The following PLXNA4 variants were observed in gnomAD, a reference collection of about 807,000 sequenced individuals.
The protein encoded by PLXNA4 is plexin-A4.
Under a neutral mutation model 191.8 loss-of-function variants are expected in PLXNA4, and 44 were observed. The observed-to-expected ratio is 0.23, with a 90% CI of 0.18 to 0.29. The LOEUF is 0.29. PLXNA4 is among the 10% of genes least tolerant of loss of function. The pLI is 1.00. For missense variants in PLXNA4, 1,800 were observed against 2,488.8 expected (o/e 0.72, Z 5.89); for synonymous variants, 1,082 against 1,009.5 (o/e 1.07, Z -1.36).
In PLXNA4 at chr7:132,127,987, T is replaced by C. The variant is rs1794821614; in HGVS notation, c.*2492A>G. 1.4e-5 allele frequency: 1 copy of C among 70,140 alleles called. No individual in the cohort carries two copies. The highest frequency in any genetic ancestry group is 2.7e-5 in the Non-Finnish European group (1 of 37,180). The allele number at this position is 70,140 out of a possible 1,614,324, so 4.3% of individuals were successfully genotyped here. ...TGCTTGTTTGATTTTTTCTCTTAAC[T>C]GTGCAAAAAAAAAAAAAAAAAATCA... On this transcript the variant is annotated 3_prime_UTR_variant, in exon 32 of 32. Coordinates refer to ENST00000321063, the MANE Select transcript of PLXNA4 (RefSeq NM_020911.2).
At chr7:132,343,557 G>A (rs1253181494) in intron 3 of PLXNA4, among the ~76,000 whole-genome samples, 2 of 152,198 alleles carry the variant, frequency 1.3e-5, no homozygotes, top group Admixed American at 6.5e-5. Flanking sequence ...TCCTTCCAGA[G>A]CCCCCTGGCT....
chr7:132,174,573 C>T (rs1796393814), intron 21 of PLXNA4, among the ~76,000 whole-genome samples: 1 of 152,184 alleles, frequency 6.6e-6, no homozygotes, highest in Non-Finnish European at 1.5e-5. Flanking sequence ...GACCTGAAGC[C>T]CTACTCACAT....
intron 4 of PLXNA4, among the ~76,000 whole-genome samples, chr7:132,267,181 C>T (rs1477077125): frequency 2.6e-5 from 4 of 152,156 alleles, no homozygotes; most frequent in Non-Finnish European, 5.9e-5. Context: ...AACTAGGAAA[C>T]CCTGAGGAAA....
intron 2 of PLXNA4, among the ~76,000 whole-genome samples, chr7:132,636,682 G>A (rs1803615601): frequency 6.6e-6 from 1 of 152,154 alleles, no homozygotes; most frequent in Non-Finnish European, 1.5e-5. Flanking sequence ...GATTTCATAT[G>A]ATGCCACCCC....
rs1584737042 is a variant in PLXNA4 at position 132,125,759 on chromosome 7, C to G, written c.*4720G>C. The stretch of plus-strand genomic sequence containing the variant: ...GGGGGATTTGGGGCATGGGGAGAAG[C>G]CAGGGCACGGAGCTGCCTGGGGTAG... On this transcript the variant is annotated 3_prime_UTR_variant, in exon 32 of 32. Transcript: ENST00000321063. 1 of 152,016 alleles carries G rather than the reference C, an allele frequency of 6.6e-6. No individual in the cohort carries two copies. Among genetic ancestry groups the G allele is most frequent in the African/African-American group, 2.4e-5 (1 of 41,336 alleles). 9.4% of individuals were successfully genotyped at this position (152,016 alleles called of 1,614,324 possible).
At chr7:132,190,083 T>A (rs1189686111) in intron 14 of PLXNA4, among the ~76,000 whole-genome samples, 1 of 152,266 alleles carries the variant, frequency 6.6e-6, no homozygotes, top group East Asian at 1.9e-4. Flanking sequence ...CTTCAGTCTC[T>A]CCTGCTCACC....
rs1584899803 is a variant in PLXNA4, at chr7:132,250,426, C to T, written c.1504-9260G>A. 3.3e-5 allele frequency among the ~76,000 whole-genome samples: 5 copies of T among 152,320 alleles called. 1 individual carries two copies. The South Asian group carries it at 1.0e-3, about 32-fold the overall frequency. ...CACTTGTACGTGTTCCAAGAATCCC[C>T]TGGAGATCATTTATTTGGCAACCTT... On this transcript the variant is annotated intron_variant, in intron 4 of 31. Coordinates refer to ENST00000321063, the MANE Select transcript of PLXNA4 (RefSeq NM_020911.2).
At chr7:132,354,577 T>C (rs966404085) in intron 3 of PLXNA4, among the ~76,000 whole-genome samples, 1 of 152,206 alleles carries the variant, frequency 6.6e-6, no homozygotes, top group African/African-American at 2.4e-5. Context: ...GCAGGCTTCT[T>C]GGTGAATGGC....
chr7:132,630,255 T>G (rs960163390), intron 2 of PLXNA4, among the ~76,000 whole-genome samples: 2 of 152,202 alleles, frequency 1.3e-5, no homozygotes, highest in African/African-American at 4.8e-5. Flanking sequence ...ACAAATACAG[T>G]CACACTGGGT....
At chr7:132,643,488 G>A (rs1803794176) in intron 2 of PLXNA4, among the ~76,000 whole-genome samples, 1 of 151,926 alleles carries the variant, frequency 6.6e-6, no homozygotes, top group South Asian at 2.1e-4. Flanking sequence ...CAAGCTGGAG[G>A]AATTCCCTCC....
intron 1 of PLXNA4, among the ~76,000 whole-genome samples, chr7:132,567,016 T>C (rs1485101239): frequency 6.6e-6 from 1 of 152,196 alleles, no homozygotes; most frequent in African/African-American, 2.4e-5. Context: ...TCTCCCAAAA[T>C]GCCTTTCTAT....
At chr7:132,159,655 A>G (rs913592704) in intron 24 of PLXNA4, 23 bp from the exon 25 acceptor site, 1 of 1,612,750 alleles carries the variant, frequency 6.2e-7, no homozygotes, top group Admixed American at 1.7e-5. Flanking sequence ...TGGGGAGAGG[A>G]AGCATATGAA....
rs900813265 is a variant in PLXNA4, at chr7:132,313,734, T to A, written c.1372-15512A>T. 2.0e-5 allele frequency among the ~76,000 whole-genome samples: 3 copies of A among 152,070 alleles called. No homozygotes were observed. In the East Asian group the frequency reaches 5.8e-4, roughly 29 times the overall value. ...ACTTTCTGCTTAGGCAGAAAGTCAT[T>A]GCTTAGGACAATTGAGTCACTGTCA... On this transcript the variant is annotated intron_variant, in intron 3 of 31. Coordinates refer to ENST00000321063, the MANE Select transcript of PLXNA4 (RefSeq NM_020911.2).
upstream of PLXNA4, among the ~76,000 whole-genome samples, chr7:132,578,577 C>G (rs935899722): frequency 2.0e-5 from 3 of 152,150 alleles, no homozygotes; most frequent in Admixed American, 6.5e-5. Flanking sequence ...TTGAAAGGAG[C>G]TGTGAGATGA....
At chr7:132,387,446 T>G (rs1805199270) in intron 3 of PLXNA4, among the ~76,000 whole-genome samples, 1 of 152,168 alleles carries the variant, frequency 6.6e-6, no homozygotes, top group African/African-American at 2.4e-5. Flanking sequence ...CAGAGGGGGA[T>G]GTAAAAATTG....
chr7:132,395,813 A>G lies in PLXNA4; in HGVS notation c.1371+93479T>C, dbSNP rs1275228307. Among the ~76,000 whole-genome samples, 3 of 152,256 alleles carry G rather than the reference A, an allele frequency of 2.0e-5. No homozygotes were observed. In the East Asian group the frequency reaches 5.8e-4, roughly 29 times the overall value. On this transcript the variant is annotated intron_variant, in intron 3 of 31. Coordinates refer to ENST00000321063, the MANE Select transcript of PLXNA4 (RefSeq NM_020911.2). ...TGACCAGGATCCCCATGGCCGGGAA[A>G]CAAATGATGAAGCCAGTTAGCAGCC... is the stretch of plus-strand genomic sequence containing the variant.
chr7:132,563,847 G>T (rs920719523), intron 1 of PLXNA4, among the ~76,000 whole-genome samples: 99 of 20,470 alleles, frequency 4.8e-3, no homozygotes, highest in East Asian at 9.3e-3. Flanking sequence ...TCCTCCTTCT[G>T]CTGCTCCTCC....
rs1026744471 is a variant in PLXNA4, at chr7:132,125,249, CTT to C, written c.*5228_*5229del. On this transcript the variant is annotated 3_prime_UTR_variant, in exon 32 of 32. Coordinates refer to ENST00000321063, the MANE Select transcript of PLXNA4 (RefSeq NM_020911.2). ...GCTCCCCACTCTATAAAATAAGGCTCTTGTTTCCTACATAGAGAATGCCTGTA... is the reference window on the plus strand; with the variant it reads ...GCTCCCCACTCTATAAAATAAGGCTCGTTTCCTACATAGAGAATGCCTGTA... 2.0e-5 allele frequency: 3 copies of C among 152,166 alleles called. No individual in the cohort carries two copies. Among genetic ancestry groups the C allele is most frequent in the African/African-American group, 4.8e-5 (2 of 41,434 alleles). 9.4% of individuals were successfully genotyped at this position (152,166 alleles called of 1,614,324 possible). A position where few individuals can be genotyped will look rare whatever the true frequency, so the allele number is the denominator to read the frequency against.
chr7:132,321,092 C>T (rs1802144674), intron 3 of PLXNA4, among the ~76,000 whole-genome samples: 1 of 152,184 alleles, frequency 6.6e-6, no homozygotes, highest in Non-Finnish European at 1.5e-5. Context: ...CACCGGCCAG[C>T]TTCCCAGCAC....
Sources: allele counts gnomAD v4.1 joint callset (sites outside exome capture counted in the v4.1 genomes callset), GRCh38; gene constraint gnomAD v4.1.1; transcripts MANE v1.5; gene names NCBI Gene and HGNC (gene_info 2026-07-23, HGNC 2026-07-21).